GRIK1: variants seen among roughly 807,000 people sequenced by gnomAD.
The protein encoded by GRIK1 is glutamate ionotropic receptor kainate type subunit 1, also known as glutamate receptor ionotropic, kainate 1.
A neutral mutation model predicts 105.7 loss-of-function variants in GRIK1; 69 were observed. The ratio of observed to expected loss-of-function variants is 0.65; its 90% CI spans 0.54 to 0.80. GRIK1 has a LOEUF of 0.80. Ranked by LOEUF, GRIK1 falls within the 30% of genes least tolerant of loss-of-function variation. GRIK1 has a pLI of 0.00. For synonymous variants in GRIK1, 438 were observed against 431.3 expected (o/e 1.02, Z -0.19); for missense variants, 1,109 against 1,167.3 (o/e 0.95, Z 0.73).
intron 7 of GRIK1, among the ~76,000 whole-genome samples, chr21:29,629,726 T>TGATC (rs1212686214): frequency 6.6e-6 from 1 of 152,178 alleles, no homozygotes; most frequent in East Asian, 1.9e-4. Context: ...CCTGACCTTG[T>TGATC]GATCTGCCTG....
intron 16 of GRIK1, chr21:29,553,488 TATC>T: frequency 6.8e-7 from 1 of 1,474,924 alleles, no homozygotes; most frequent in Non-Finnish European, 8.9e-7. Flanking sequence ...CAAATACAAA[TATC>T]AACAACACCA....
chr21:29,591,340 G>A (rs2061331431), intron 9 of GRIK1, 115 bp from the exon 10 acceptor site: 17 of 741,274 alleles, frequency 2.3e-5, no homozygotes. Context: ...GGGACACTGG[G>A]GCATCACAGT....
intron 13 of GRIK1, among the ~76,000 whole-genome samples, chr21:29,580,045 G>GTATATATATGTA (rs111630742): frequency 4.9e-5 from 7 of 141,986 alleles, no homozygotes; most frequent in African/African-American, 1.6e-4. Context: ...GTGTATATAT[G>GTATATATATGTA]TATATATGTA....
At chr21:29,897,645 G>A (rs144160963) in intron 1 of GRIK1, among the ~76,000 whole-genome samples, 2,031 of 152,252 alleles carry the variant, frequency 0.013, 55 homozygotes, top group African/African-American at 0.046. Flanking sequence ...AAAAAATAAC[G>A]TTAGTCCAGG....
chr21:29,661,749 C>T (rs933456208), intron 4 of GRIK1, among the ~76,000 whole-genome samples: 1 of 152,172 alleles, frequency 6.6e-6, no homozygotes, highest in Non-Finnish European at 1.5e-5. Context: ...ATCGCTGTAA[C>T]CCTAACTCCA....
chr21:29,774,004 TGGA>T (rs1159552642), intron 1 of GRIK1, among the ~76,000 whole-genome samples: 3 of 152,218 alleles, frequency 2.0e-5, no homozygotes, highest in Non-Finnish European at 4.4e-5. Context: ...ATCTCTATGC[TGGA>T]TTTAGCATAC....
intron 12 of GRIK1, among the ~76,000 whole-genome samples, chr21:29,586,027 AT>A (rs2091124179): frequency 6.6e-6 from 1 of 152,316 alleles, no homozygotes; most frequent in Non-Finnish European, 1.5e-5. Flanking sequence ...AACTAAAAAA[AT>A]GTTTGTAGAC....
chr21:29,555,010 T>C (rs778595650), intron 16 of GRIK1, 42 bp downstream of exon 16: 10 of 1,527,842 alleles, frequency 6.5e-6, no homozygotes, highest in Non-Finnish European at 9.0e-6. Flanking sequence ...AGACAGATAA[T>C]GCAAACTATA....
intron 3 of GRIK1, among the ~76,000 whole-genome samples, chr21:29,686,366 G>A (rs2063486353): frequency 6.6e-6 from 1 of 152,166 alleles, no homozygotes; most frequent in Non-Finnish European, 1.5e-5. Context: ...GAGATAATGA[G>A]ACAAAGGACT....
intron 7 of GRIK1, among the ~76,000 whole-genome samples, chr21:29,610,148 G>C (rs978529634): frequency 6.6e-6 from 1 of 152,186 alleles, no homozygotes; most frequent in Non-Finnish European, 1.5e-5. Flanking sequence ...TCTATCAGAT[G>C]TTGGGCACTC....
chr21:29,612,735 AAT>A (rs2061756804), intron 7 of GRIK1, among the ~76,000 whole-genome samples: 1 of 152,258 alleles, frequency 6.6e-6, no homozygotes, highest in South Asian at 2.1e-4. Context: ...ACAGTAAATT[AAT>A]ATGTTTCTAT....
At position 29,561,836 on chromosome 21, in the gene GRIK1, G is replaced by A; in HGVS notation, c.2144C>T (p.Ser715Phe). 6.2e-7 allele frequency: 1 copy of A among 1,611,352 alleles called. No homozygotes were observed. Among genetic ancestry groups the A allele is most frequent in the Non-Finnish European group, 8.5e-7 (1 of 1,177,682 alleles). ...GAAAGCCCACATCTTCTCATAGGTGGAGATTTTTGATTTCTGGAGGGAAAG... is the reference window on the plus strand; with the variant it reads ...GAAAGCCCACATCTTCTCATAGGTGAAGATTTTTGATTTCTGGAGGGAAAG... ...TMTFFKKSKI[S>F]TYEKMWAFMS... Residue 715 changes from serine to phenylalanine, a missense_variant, in exon 15 of 18, where the codon TCC (serine) becomes TTC (phenylalanine). Ser to Phe is a radical substitution (Grantham distance 155). Transcript: ENST00000327783.
chr21:29,544,399 G>A (rs1022426638), intron 16 of GRIK1, among the ~76,000 whole-genome samples: 5 of 152,122 alleles, frequency 3.3e-5, no homozygotes, highest in South Asian at 4.1e-4. Context: ...TTCATCCTCC[G>A]CTAACGTTAG....
chr21:29,764,770 AG>A (rs2065616106), intron 1 of GRIK1, among the ~76,000 whole-genome samples: 1 of 152,232 alleles, frequency 6.6e-6, no homozygotes, highest in Admixed American at 6.5e-5. Flanking sequence ...CAAAAGCATC[AG>A]AATTAAAAGC....
intron 7 of GRIK1, among the ~76,000 whole-genome samples, chr21:29,633,933 A>T (rs1243807851): frequency 1.3e-5 from 2 of 152,216 alleles, no homozygotes; most frequent in African/African-American, 2.4e-5. Flanking sequence ...ATGTCATCTA[A>T]TTAAACTAAG....
intron 3 of GRIK1, among the ~76,000 whole-genome samples, chr21:29,688,600 G>A (rs550581447): frequency 1.3e-5 from 2 of 152,106 alleles, no homozygotes; most frequent in African/African-American, 2.4e-5. Context: ...TCAGGTTTAC[G>A]ACAGGTAGCA....
intron 1 of GRIK1, among the ~76,000 whole-genome samples, chr21:29,898,221 A>G (rs2070245986): frequency 6.6e-6 from 1 of 152,176 alleles, no homozygotes; most frequent in Non-Finnish European, 1.5e-5. Context: ...TTATTCTACC[A>G]GCTGCAAACA....
At chr21:29,780,068 C>G (rs2066051768) in intron 1 of GRIK1, among the ~76,000 whole-genome samples, 1 of 152,076 alleles carries the variant, frequency 6.6e-6, no homozygotes, top group Non-Finnish European at 1.5e-5. Context: ...ATCTGTAGAA[C>G]GGGGCTAATT....
At chr21:29,713,587 A>G (rs578157664) in intron 1 of GRIK1, among the ~76,000 whole-genome samples, 1 of 152,344 alleles carries the variant, frequency 6.6e-6, no homozygotes, top group South Asian at 2.1e-4. Context: ...TAAATATGCC[A>G]TAATAAAATA....
Sources: allele counts gnomAD v4.1 joint callset (sites outside exome capture counted in the v4.1 genomes callset), GRCh38; gene constraint gnomAD v4.1.1; transcripts MANE v1.5; gene names NCBI Gene and HGNC (gene_info 2026-07-23, HGNC 2026-07-21).